DENND1A: variants seen among roughly 807,000 people sequenced by gnomAD.
DENND1A encodes DENN domain-containing protein 1A.
In DENND1A, 51 loss-of-function variants were observed where a neutral mutation model predicts 113.7. The ratio of observed to expected loss-of-function variants is 0.45; its 90% CI spans 0.36 to 0.57. The LOEUF is 0.57. Ranked by LOEUF, DENND1A falls within the 20% of genes least tolerant of loss-of-function variation. The pLI, the probability that DENND1A is intolerant of heterozygous loss-of-function variation, is 0.00. For synonymous variants in DENND1A, 565 were observed against 570.8 expected (o/e 0.99, Z 0.14); for missense variants, 1,258 against 1,395.9 (o/e 0.90, Z 1.57).
At chr9:123,419,910 G>A (rs1306679380) in intron 19 of DENND1A, among the ~76,000 whole-genome samples, 2 of 152,190 alleles carry the variant, frequency 1.3e-5, no homozygotes, top group Non-Finnish European at 2.9e-5. Context: ...CCACTTCAGA[G>A]CTTCAGCCAG....
At chr9:123,560,414 T>A (rs1232096560) in intron 12 of DENND1A, among the ~76,000 whole-genome samples, 2 of 152,114 alleles carry the variant, frequency 1.3e-5, no homozygotes, top group Non-Finnish European at 2.9e-5. Flanking sequence ...CTCTGATAAG[T>A]TAGAAGCCAT....
chr9:123,569,877 A>C (rs1589174550), intron 12 of DENND1A, among the ~76,000 whole-genome samples: 1 of 152,296 alleles, frequency 6.6e-6, no homozygotes, highest in East Asian at 1.9e-4. Flanking sequence ...TCCTGGTAGC[A>C]TGAATTTTAT....
chr9:123,841,865 T>A (rs1403779049), intron 2 of DENND1A, among the ~76,000 whole-genome samples: 4 of 152,012 alleles, frequency 2.6e-5, no homozygotes, highest in African/African-American at 9.7e-5. Flanking sequence ...AGGCAGTAGG[T>A]TTTTAGTTTG....
chr9:123,598,755 G>T (rs2059813774), intron 11 of DENND1A, among the ~76,000 whole-genome samples: 1 of 152,072 alleles, frequency 6.6e-6, no homozygotes, highest in African/African-American at 2.4e-5. Flanking sequence ...TACTTATCAA[G>T]CTTCATAATT....
chr9:123,423,056 G>GCCA (rs948647368), intron 19 of DENND1A, among the ~76,000 whole-genome samples: 1 of 152,206 alleles, frequency 6.6e-6, no homozygotes, highest in Non-Finnish European at 1.5e-5. Context: ...CCAGCATTGT[G>GCCA]CCATTACAAC....
At chr9:123,542,608 C>T (rs1034738983) in intron 13 of DENND1A, among the ~76,000 whole-genome samples, 8 of 152,120 alleles carry the variant, frequency 5.3e-5, no homozygotes, top group Admixed American at 2.0e-4. Context: ...AGCTGGTTTC[C>T]GCTTGGTTTG....
At chr9:123,626,633 C>G (rs1025602283) in intron 10 of DENND1A, among the ~76,000 whole-genome samples, 4 of 152,076 alleles carry the variant, frequency 2.6e-5, no homozygotes, top group African/African-American at 9.7e-5. Flanking sequence ...ATTTGAACAA[C>G]AACAAACACT....
chr9:123,728,927 T>G (rs1589835187), intron 5 of DENND1A, among the ~76,000 whole-genome samples: 1 of 152,190 alleles, frequency 6.6e-6, no homozygotes, highest in Admixed American at 6.5e-5. Context: ...CACGATCAAG[T>G]CAGCTTCATC....
intron 5 of DENND1A, among the ~76,000 whole-genome samples, chr9:123,733,638 T>A (rs553201288): frequency 2.0e-4 from 30 of 151,632 alleles, no homozygotes; most frequent in African/African-American, 6.8e-4. Flanking sequence ...TTCCTGAATG[T>A]TACTTTTTAT....
chr9:123,558,585 T>C (rs796157723), intron 12 of DENND1A, among the ~76,000 whole-genome samples: 4 of 152,260 alleles, frequency 2.6e-5, no homozygotes, highest in African/African-American at 9.6e-5. Flanking sequence ...ATGAAGGTTG[T>C]GAGACTCCAC....
intron 5 of DENND1A, among the ~76,000 whole-genome samples, chr9:123,714,663 A>G (rs1366295665): frequency 3.3e-5 from 5 of 152,160 alleles, no homozygotes; most frequent in Non-Finnish European, 1.5e-5. Context: ...AGAGAACCAG[A>G]AGTGCTCTAG....
rs895549516 is a variant in DENND1A, at chr9:123,477,739, T to TA, written c.994-19843dup. Reference sequence around the variant, plus strand: ...CATCCTGTACATGTACCGTGGAACTTAAAAAAAAATAATTAAAAAAAAAAA... The same window carrying TA: ...CATCCTGTACATGTACCGTGGAACTTAAAAAAAAAATAATTAAAAAAAAAAA... On this transcript the variant is annotated intron_variant, in intron 13 of 23. Transcript: ENST00000394215. 2.2e-4 allele frequency among the ~76,000 whole-genome samples: 33 copies of TA among 148,878 alleles called. 1 individual carries two copies. The highest frequency in any genetic ancestry group is 1.3e-3 in the South Asian group (6 of 4,744).
chr9:123,604,312 A>G (rs1171931209), intron 11 of DENND1A, among the ~76,000 whole-genome samples: 2 of 152,194 alleles, frequency 1.3e-5, no homozygotes, highest in Non-Finnish European at 2.9e-5. Flanking sequence ...GAGAAGCATT[A>G]TTCTCAAGGC....
intron 2 of DENND1A, among the ~76,000 whole-genome samples, chr9:123,834,735 T>C (rs1840799184): frequency 1.3e-5 from 2 of 152,152 alleles, no homozygotes; most frequent in South Asian, 2.1e-4. Context: ...GCACCGCATA[T>C]AGTAAGTCTA....
intron 4 of DENND1A, among the ~76,000 whole-genome samples, chr9:123,759,060 C>A (rs914227221): frequency 2.6e-5 from 4 of 152,198 alleles, no homozygotes; most frequent in Admixed American, 2.0e-4. Context: ...CTCGGCCTCC[C>A]AAAGTGCTGG....
intron 11 of DENND1A, among the ~76,000 whole-genome samples, chr9:123,585,185 C>T (rs1265259780): frequency 6.6e-6 from 1 of 152,184 alleles, no homozygotes; most frequent in Non-Finnish European, 1.5e-5. Flanking sequence ...TTCTCCACGC[C>T]TCTGGGGCTT....
At chr9:123,789,890 T>G (rs1017869327) in intron 3 of DENND1A, among the ~76,000 whole-genome samples, 6 of 152,120 alleles carry the variant, frequency 3.9e-5, no homozygotes, top group African/African-American at 1.4e-4. Context: ...AGCAAGCGTC[T>G]CTGATCAATG....
At chr9:123,426,151 G>A (rs1265124990) in intron 19 of DENND1A, among the ~76,000 whole-genome samples, 2 of 152,176 alleles carry the variant, frequency 1.3e-5, no homozygotes, top group African/African-American at 2.4e-5. Context: ...CTGGCAGGGA[G>A]GGTCCTGGAG....
intron 19 of DENND1A, among the ~76,000 whole-genome samples, chr9:123,432,548 G>T (rs2046214193): frequency 6.6e-6 from 1 of 152,210 alleles, no homozygotes; most frequent in Non-Finnish European, 1.5e-5. Context: ...AGCGGAGTGG[G>T]GAGATCACCA....
Sources: gnomAD v4.1 joint callset for allele counts (sites outside exome capture counted in the v4.1 genomes callset) on GRCh38, gnomAD v4.1.1 for gene constraint, MANE v1.5 for transcripts, NCBI Gene and HGNC (gene_info 2026-07-23, HGNC 2026-07-21) for gene names.